Variants in CHST9 observed in about 807,000 individuals in gnomAD.
CHST9 encodes carbohydrate sulfotransferase 9.
CHST9 carries 41 observed loss-of-function variants against 44.4 expected under a neutral mutation model. The ratio of observed to expected loss-of-function variants is 0.92; its 90% CI spans 0.72 to 1.20. The LOEUF is 1.20. Ranked by LOEUF, CHST9 falls within the 50% of genes most tolerant of loss-of-function variation. The pLI, the probability that CHST9 is intolerant of heterozygous loss-of-function variation, is 0.00. For missense variants in CHST9, 504 were observed against 516.5 expected (o/e 0.98, Z 0.23); for synonymous variants, 171 against 178.4 (o/e 0.96, Z 0.33).
intron 2 of CHST9, among the ~76,000 whole-genome samples, chr18:27,098,456 A>C (rs1166343881): frequency 6.6e-6 from 1 of 152,180 alleles, no homozygotes; most frequent in Non-Finnish European, 1.5e-5. Context: ...TACTGGTTAT[A>C]TAACCAAAGG....
chr18:27,001,199 A>C (rs1041718539), intron 4 of CHST9, among the ~76,000 whole-genome samples: 1 of 152,236 alleles, frequency 6.6e-6, no homozygotes, highest in Admixed American at 6.5e-5. Flanking sequence ...ATGTGTGTGC[A>C]TATAAGTAGA....
At chr18:27,029,674 T>C (rs1249850245) in intron 3 of CHST9, among the ~76,000 whole-genome samples, 1 of 152,220 alleles carries the variant, frequency 6.6e-6, no homozygotes, top group Non-Finnish European at 1.5e-5. Flanking sequence ...TTATAACACC[T>C]AATACAATAT....
intron 1 of CHST9, among the ~76,000 whole-genome samples, chr18:27,167,466 A>G (rs1023831617): frequency 2.0e-5 from 3 of 152,110 alleles, no homozygotes; most frequent in African/African-American, 7.2e-5. Flanking sequence ...CTCAGTCCTA[A>G]AACAAATGGC....
chr18:27,121,384 C>T (rs1021795357), intron 2 of CHST9, among the ~76,000 whole-genome samples: 5 of 152,056 alleles, frequency 3.3e-5, no homozygotes, highest in African/African-American at 1.2e-4. Context: ...CCCTACTCCC[C>T]CTCCCTGTTG....
chr18:27,037,510 T>A (rs535456774), intron 3 of CHST9, among the ~76,000 whole-genome samples: 2 of 152,270 alleles, frequency 1.3e-5, no homozygotes, highest in African/African-American at 4.8e-5. Context: ...GGCAACATAG[T>A]GAGACCTTGT....
At chr18:26,924,718 T>C (rs2145069030) in intron 5 of CHST9, 1 of 178,570 alleles carries the variant, frequency 5.6e-6, no homozygotes, top group South Asian at 1.9e-4. Context: ...CTCTCCTGGG[T>C]CCCTCTGTGC....
At chr18:27,053,254 A>AG (rs2057602650) in intron 2 of CHST9, among the ~76,000 whole-genome samples, 7 of 114,408 alleles carry the variant, frequency 6.1e-5, no homozygotes, top group South Asian at 3.5e-4. Context: ...AAGAAGAAGA[A>AG]GAAGAAGGAG....
intron 4 of CHST9, chr18:26,952,494 C>T (rs377167654): frequency 4.4e-6 from 2 of 455,680 alleles, no homozygotes; most frequent in East Asian, 5.6e-5. Flanking sequence ...TTGGTATAAA[C>T]CCTGGAGGAC....
chr18:27,082,071 A>G (rs2057966258), intron 2 of CHST9, among the ~76,000 whole-genome samples: 1 of 152,170 alleles, frequency 6.6e-6, no homozygotes. Flanking sequence ...GCCCTAACAA[A>G]AGATCCACCA....
At chr18:27,094,450 T>A (rs2058097777) in intron 2 of CHST9, among the ~76,000 whole-genome samples, 1 of 152,196 alleles carries the variant, frequency 6.6e-6, no homozygotes, top group Non-Finnish European at 1.5e-5. Context: ...AACATCAAAG[T>A]GACCAAAATG....
intron 2 of CHST9, among the ~76,000 whole-genome samples, chr18:27,053,047 C>T (rs1463984401): frequency 6.7e-6 from 1 of 148,974 alleles, no homozygotes. Context: ...ATGTAACAAA[C>T]CTGCATGTTC....
At chr18:27,132,112 T>C (rs1226765774) in intron 2 of CHST9, among the ~76,000 whole-genome samples, 2 of 152,238 alleles carry the variant, frequency 1.3e-5, no homozygotes, top group Non-Finnish European at 2.9e-5. Flanking sequence ...GTCACTTATA[T>C]TGGCTTGGAA....
chr18:27,123,044 T>C (rs193073293), intron 2 of CHST9, among the ~76,000 whole-genome samples: 3 of 152,300 alleles, frequency 2.0e-5, no homozygotes, highest in Admixed American at 2.0e-4. Flanking sequence ...TAATGACTTA[T>C]TTCCCTCTCT....
At chr18:27,044,172 C>T (rs1296739918) in intron 3 of CHST9, among the ~76,000 whole-genome samples, 2 of 151,962 alleles carry the variant, frequency 1.3e-5, no homozygotes, top group Non-Finnish European at 2.9e-5. Flanking sequence ...ATACCTTGTA[C>T]ATCATTCTCT....
intron 2 of CHST9, among the ~76,000 whole-genome samples, chr18:27,085,487 A>C (rs2143695131): frequency 6.6e-6 from 1 of 152,310 alleles, no homozygotes; most frequent in South Asian, 2.1e-4. Context: ...TCTCAAAAGA[A>C]GACACACAAG....
chr18:27,127,497 G>C (rs1319829433), intron 2 of CHST9, among the ~76,000 whole-genome samples: 1 of 152,162 alleles, frequency 6.6e-6, no homozygotes, highest in Non-Finnish European at 1.5e-5. Context: ...GATAGGGGCA[G>C]ACTCCAGTAA....
chr18:27,053,931 A>C (rs987827313), intron 2 of CHST9, among the ~76,000 whole-genome samples: 3 of 152,152 alleles, frequency 2.0e-5, no homozygotes, highest in Admixed American at 2.0e-4. Context: ...CTGCAGAGTG[A>C]AGCACCCTTC....
chr18:26,975,723 GTGTATATATATATA>G lies in CHST9; in HGVS notation c.203-31371_203-31358del, dbSNP rs1266090427. 3.0e-3 allele frequency among the ~76,000 whole-genome samples: 181 copies of G among 59,352 alleles called. 5 individuals are homozygous for G. The highest frequency in any genetic ancestry group is 2.7e-3 in the Non-Finnish European group (84 of 31,602). The allele number at this position is 59,352 out of a possible 152,430, so 38.9% of individuals were successfully genotyped here. A position where few individuals can be genotyped will look rare whatever the true frequency, so the allele number is the denominator to read the frequency against. ...TATGTGTATATATGTGTGTGTGTGT[GTGTATATATATATA>G]TATATATATATATATATATATATAT... On this transcript the variant is annotated intron_variant, in intron 4 of 5. Transcript: ENST00000618847.
intron 2 of CHST9, among the ~76,000 whole-genome samples, chr18:27,069,223 T>C (rs2057813566): frequency 1.3e-5 from 2 of 152,212 alleles, no homozygotes; most frequent in Admixed American, 1.3e-4. Flanking sequence ...CTTTTACTTA[T>C]TGCTAACTTT....
Sources: gnomAD v4.1 joint callset for allele counts (sites outside exome capture counted in the v4.1 genomes callset) on GRCh38, gnomAD v4.1.1 for gene constraint, MANE v1.5 for transcripts, NCBI Gene and HGNC (gene_info 2026-07-23, HGNC 2026-07-21) for gene names.